EYA1: variants seen among roughly 807,000 people sequenced by gnomAD.
The protein encoded by EYA1 is EYA transcriptional coactivator and phosphatase 1, also known as protein phosphatase EYA1.
A neutral mutation model predicts 82.0 loss-of-function variants in EYA1; 16 were observed. The observed-to-expected ratio is 0.20, with a 90% CI of 0.13 to 0.30. The LOEUF (loss-of-function observed/expected upper bound fraction) is 0.30. Ranked by LOEUF, EYA1 falls within the 10% of genes least tolerant of loss-of-function variation. The probability of loss-of-function intolerance (pLI) is 1.00; values close to 1 mark genes in which losing one functional copy is unlikely to be tolerated. For synonymous variants in EYA1, 261 were observed against 264.4 expected (o/e 0.99, Z 0.12); for missense variants, 633 against 730.7 (o/e 0.87, Z 1.54).
chr8:71,465,573 A>T (rs2129195290), intron 2 of EYA1, among the ~76,000 whole-genome samples: 1 of 152,324 alleles, frequency 6.6e-6, no homozygotes, highest in South Asian at 2.1e-4. Context: ...CAGTGAGCCA[A>T]GATTGAGCCA....
At chr8:71,389,032 T>G (rs1829125822) in intron 2 of EYA1, among the ~76,000 whole-genome samples, 1 of 151,282 alleles carries the variant, frequency 6.6e-6, no homozygotes. Context: ...ATCTGCTTGC[T>G]CTCAGGACTT....
At position 71,327,068 on chromosome 8, in the gene EYA1, T is replaced by C. The variant is rs188627467; in HGVS notation, c.203-4800A>G. On this transcript the variant is annotated intron_variant, in intron 4 of 17. Transcript: ENST00000340726. ...CTTTACTAAATTCTTTGATCAGCTT[T>C]TGTTTTCTTCTTAGCAGTTTTAGTT... is the stretch of plus-strand genomic sequence containing the variant. Among the ~76,000 whole-genome samples, 43 of 152,310 alleles carry C rather than the reference T, an allele frequency of 2.8e-4. 1 individual carries two copies. The East Asian group carries it at 8.3e-3, about 29-fold the overall frequency.
At chr8:71,396,099 C>A (rs1197052531) in intron 2 of EYA1, among the ~76,000 whole-genome samples, 3 of 152,178 alleles carry the variant, frequency 2.0e-5, no homozygotes, top group Admixed American at 2.0e-4. Flanking sequence ...ATAGTATTCT[C>A]TGATGGTAGT....
At chr8:71,264,387 C>T (rs538310178) in intron 11 of EYA1, among the ~76,000 whole-genome samples, 1 of 152,224 alleles carries the variant, frequency 6.6e-6, no homozygotes, top group African/African-American at 2.4e-5. Flanking sequence ...CAGAAACACA[C>T]CCACAAGGGA....
chr8:71,485,374 A>T (rs1810480763), intron 2 of EYA1, among the ~76,000 whole-genome samples: 1 of 152,198 alleles, frequency 6.6e-6, no homozygotes. Flanking sequence ...CATAAATACA[A>T]ATAATGTGTT....
chr8:71,462,315 G>A (rs1425943850), intron 2 of EYA1, among the ~76,000 whole-genome samples: 4 of 152,170 alleles, frequency 2.6e-5, no homozygotes, highest in East Asian at 3.9e-4. Context: ...GGACTGGCGT[G>A]CCAGTGCTGC....
At chr8:71,269,876 T>C in intron 10 of EYA1, 53 bp from the exon 11 acceptor site, 2 of 1,399,164 alleles carry the variant, frequency 1.4e-6, no homozygotes, top group South Asian at 2.3e-5. Flanking sequence ...AGAAAGCTGT[T>C]ATTCAGTTAA....
At chr8:71,270,166 T>C (rs1816345884) in intron 10 of EYA1, 1 of 218,330 alleles carries the variant, frequency 4.6e-6, no homozygotes. Flanking sequence ...GAGATAGAGA[T>C]GAGCAACTAA....
At chr8:71,415,410 T>C (rs1187424452) in intron 2 of EYA1, among the ~76,000 whole-genome samples, 2 of 152,218 alleles carry the variant, frequency 1.3e-5, no homozygotes, top group Non-Finnish European at 2.9e-5. Context: ...CTTACTGCCA[T>C]GTTACAGGTT....
chr8:71,293,195 T>C (rs958882555), intron 9 of EYA1, among the ~76,000 whole-genome samples: 27 of 152,082 alleles, frequency 1.8e-4, no homozygotes, highest in African/African-American at 6.3e-4. Context: ...TTAGATGAAA[T>C]GGACCAATTC....
intron 2 of EYA1, among the ~76,000 whole-genome samples, chr8:71,441,506 A>T (rs1483038886): frequency 1.3e-5 from 2 of 152,294 alleles, no homozygotes; most frequent in South Asian, 4.1e-4. Flanking sequence ...ATAAAACTGA[A>T]ATACCAAATG....
intron 2 of EYA1, among the ~76,000 whole-genome samples, chr8:71,384,019 C>T (rs1321967091): frequency 6.7e-6 from 1 of 148,666 alleles, no homozygotes. Context: ...ACTATCTTTA[C>T]TTTTTTTTTT....
chr8:71,468,312 T>C (rs544946288), intron 2 of EYA1, among the ~76,000 whole-genome samples: 5 of 152,218 alleles, frequency 3.3e-5, no homozygotes, highest in African/African-American at 1.2e-4. Flanking sequence ...TCTGGTATGG[T>C]TTAGCTCCTA....
chr8:71,296,471 A>G (rs1368550481), intron 9 of EYA1, among the ~76,000 whole-genome samples: 4 of 151,170 alleles, frequency 2.6e-5, no homozygotes, highest in African/African-American at 9.8e-5. Context: ...ATCATGAAGC[A>G]TGAGATAAAT....
At chr8:71,286,782 A>G (rs1318541935) in intron 9 of EYA1, among the ~76,000 whole-genome samples, 1 of 147,026 alleles carries the variant, frequency 6.8e-6, no homozygotes, top group Non-Finnish European at 1.5e-5. Flanking sequence ...TGACCATGAT[A>G]ATTTCATATT....
upstream of EYA1, chr8:71,362,281 GT>G: frequency 2.6e-6 from 2 of 779,206 alleles, no homozygotes; most frequent in Non-Finnish European, 2.9e-6. Context: ...CAACCTTGCT[GT>G]TTAAAAAAAA....
intron 2 of EYA1, among the ~76,000 whole-genome samples, chr8:71,440,352 G>T (rs896791492): frequency 2.0e-5 from 3 of 152,152 alleles, no homozygotes; most frequent in Admixed American, 6.5e-5. Context: ...CAGTAGTGAT[G>T]GAAAAATCAC....
At chr8:71,429,390 T>A (rs1373786806) in intron 2 of EYA1, among the ~76,000 whole-genome samples, 2 of 152,286 alleles carry the variant, frequency 1.3e-5, no homozygotes, top group East Asian at 1.9e-4. Context: ...TTTTTAAGAA[T>A]GTTGCTAAAT....
At chr8:71,456,331 C>T (rs1807906552) in intron 2 of EYA1, among the ~76,000 whole-genome samples, 2 of 152,152 alleles carry the variant, frequency 1.3e-5, no homozygotes, top group South Asian at 4.1e-4. Flanking sequence ...GGCCATACTG[C>T]CAAGGTAATT....
Sources: allele counts gnomAD v4.1 joint callset (sites outside exome capture counted in the v4.1 genomes callset), GRCh38; gene constraint gnomAD v4.1.1; transcripts MANE v1.5; gene names NCBI Gene and HGNC (gene_info 2026-07-23, HGNC 2026-07-21).